Variants in KHDRBS3 observed in about 807,000 individuals in gnomAD.
KHDRBS3 encodes the protein KH RNA binding domain containing, signal transduction associated 3.
KHDRBS3 carries 23 observed loss-of-function variants against 45.6 expected under a neutral mutation model. The observed-to-expected ratio is 0.50, with a 90% confidence interval of 0.36 to 0.72. KHDRBS3 has a LOEUF of 0.72. KHDRBS3 is among the 30% of genes least tolerant of loss of function. The pLI is 0.00. For missense variants in KHDRBS3, 352 were observed against 424.8 expected (o/e 0.83, Z 1.51); for synonymous variants, 162 against 156.5 (o/e 1.04, Z -0.26).
intron 4 of KHDRBS3, among the ~76,000 whole-genome samples, chr8:135,654,816 G>A (rs919190355): frequency 1.3e-5 from 2 of 152,354 alleles, no homozygotes; most frequent in Middle Eastern, 3.4e-3. Flanking sequence ...AAACAGACAG[G>A]ATCTCCTCTA....
intron 1 of KHDRBS3, among the ~76,000 whole-genome samples, chr8:135,473,673 TCTTA>T (rs1470986247): frequency 2.6e-5 from 4 of 152,188 alleles, no homozygotes; most frequent in Non-Finnish European, 4.4e-5. Flanking sequence ...GCACCTCAGT[TCTTA>T]CTTATTTATT....
At chr8:135,534,685 C>T (rs1825644703) in intron 2 of KHDRBS3, among the ~76,000 whole-genome samples, 1 of 152,252 alleles carries the variant, frequency 6.6e-6, no homozygotes, top group South Asian at 2.1e-4. Flanking sequence ...TTGTGCTCTG[C>T]CCCCATGACC....
At chr8:135,627,391 G>A (rs563977045) in intron 7 of KHDRBS3, among the ~76,000 whole-genome samples, 9 of 152,236 alleles carry the variant, frequency 5.9e-5, no homozygotes, top group African/African-American at 2.2e-4. Context: ...GAAATTTCCT[G>A]GAAGCTTCAC....
intron 7 of KHDRBS3, among the ~76,000 whole-genome samples, chr8:135,626,167 A>G (rs1830350719): frequency 6.6e-6 from 1 of 152,218 alleles, no homozygotes; most frequent in African/African-American, 2.4e-5. Context: ...ATAACACATT[A>G]TTTCATTTAA....
chr8:135,519,412 C>T (rs1824790781), intron 1 of KHDRBS3, among the ~76,000 whole-genome samples: 1 of 152,176 alleles, frequency 6.6e-6, no homozygotes, highest in Non-Finnish European at 1.5e-5. Flanking sequence ...GCTCCGGCTA[C>T]CCAGATTTCT....
intron 5 of KHDRBS3, among the ~76,000 whole-genome samples, chr8:135,572,340 C>T (rs901830151): frequency 1.3e-5 from 2 of 152,144 alleles, no homozygotes; most frequent in African/African-American, 4.8e-5. Flanking sequence ...CTTCCTTATA[C>T]ACTGTCTTAT....
chr8:135,593,801 A>G (rs1303319313), intron 6 of KHDRBS3, among the ~76,000 whole-genome samples: 2 of 152,158 alleles, frequency 1.3e-5, no homozygotes, highest in African/African-American at 4.8e-5. Context: ...GCAGAGACGA[A>G]ACACAGTTAA....
chr8:135,552,988 T>C (rs1191271459), intron 4 of KHDRBS3, among the ~76,000 whole-genome samples: 1 of 152,182 alleles, frequency 6.6e-6, no homozygotes, highest in East Asian at 1.9e-4. Context: ...GCTGCATATA[T>C]GTGCACTCAC....
At chr8:135,534,853 A>C (rs1006027143) in intron 2 of KHDRBS3, among the ~76,000 whole-genome samples, 8 of 152,130 alleles carry the variant, frequency 5.3e-5, no homozygotes, top group African/African-American at 1.9e-4. Flanking sequence ...TCATCTTGGA[A>C]ATCAGACACC....
At chr8:135,555,881 C>T (rs947316330) in intron 4 of KHDRBS3, among the ~76,000 whole-genome samples, 2 of 152,054 alleles carry the variant, frequency 1.3e-5, no homozygotes, top group East Asian at 3.9e-4. Context: ...GTTATCCCTC[C>T]CCTAGCCCCC....
At chr8:135,501,852 G>T (rs547795312) in intron 1 of KHDRBS3, among the ~76,000 whole-genome samples, 9 of 151,920 alleles carry the variant, frequency 5.9e-5, no homozygotes, top group Non-Finnish European at 1.0e-4. Context: ...AGTAATTCTC[G>T]CTTTTTGCAC....
At chr8:135,516,336 T>G (rs1824600325) in intron 1 of KHDRBS3, among the ~76,000 whole-genome samples, 3 of 152,106 alleles carry the variant, frequency 2.0e-5, no homozygotes, top group Admixed American at 2.0e-4. Context: ...CTTTTATACA[T>G]CTGGCAGCAT....
chr8:135,547,260 A>G (rs1217453565), intron 3 of KHDRBS3, among the ~76,000 whole-genome samples: 1 of 152,088 alleles, frequency 6.6e-6, no homozygotes, highest in Non-Finnish European at 1.5e-5. Flanking sequence ...TTTTCCTTTC[A>G]TTCAGTTTCT....
chr8:135,466,014 T>C (rs1375162250), intron 1 of KHDRBS3, among the ~76,000 whole-genome samples: 2 of 152,248 alleles, frequency 1.3e-5, no homozygotes, highest in African/African-American at 4.8e-5. Context: ...GCTTCAATGT[T>C]TGTGCCGTTT....
intron 2 of KHDRBS3, among the ~76,000 whole-genome samples, chr8:135,535,001 C>T (rs1224491683): frequency 6.6e-6 from 1 of 152,038 alleles, no homozygotes; most frequent in African/African-American, 2.4e-5. Context: ...TGTCTGCCCC[C>T]AACAGTGCCG....
At chr8:135,549,064 C>T (rs1826453642) in intron 4 of KHDRBS3, 164 bp downstream of exon 4, 2 of 423,322 alleles carry the variant, frequency 4.7e-6, no homozygotes, top group East Asian at 7.1e-5. Context: ...AATTACTGGG[C>T]ATTATTCCTT....
At chr8:135,469,958 A>G (rs1023018199) in intron 1 of KHDRBS3, among the ~76,000 whole-genome samples, 7 of 152,350 alleles carry the variant, frequency 4.6e-5, no homozygotes, top group African/African-American at 1.7e-4. Context: ...CATTCTGTTT[A>G]ATGTGTCTCT....
intron 2 of KHDRBS3, among the ~76,000 whole-genome samples, chr8:135,525,476 A>G (rs1033368749): frequency 2.0e-5 from 3 of 152,182 alleles, no homozygotes; most frequent in Admixed American, 2.0e-4. Flanking sequence ...TCCTTTGCTG[A>G]AGTCATAACT....
At chr8:135,523,604 G>C (rs1451820194) in intron 2 of KHDRBS3, among the ~76,000 whole-genome samples, 2 of 151,996 alleles carry the variant, frequency 1.3e-5, no homozygotes, top group Non-Finnish European at 2.9e-5. Context: ...TATTTTACTT[G>C]CATTATTTTG....
Sources: gnomAD v4.1 joint callset for allele counts (sites outside exome capture counted in the v4.1 genomes callset) on GRCh38, gnomAD v4.1.1 for gene constraint, MANE v1.5 for transcripts, NCBI Gene and HGNC (gene_info 2026-07-23, HGNC 2026-07-21) for gene names.